NXPE3: variants seen among roughly 807,000 people sequenced by gnomAD.
NXPE3 encodes the protein neurexophilin and PC-esterase domain family member 3, also known as NXPE family member 3.
NXPE3 carries 26 observed loss-of-function variants against 46.1 expected under a neutral mutation model. The observed-to-expected ratio is 0.56, with a 90% CI of 0.41 to 0.78. The LOEUF (loss-of-function observed/expected upper bound fraction) is 0.78, where lower values mean the gene tolerates loss of function less well. Among genes scored for constraint, NXPE3 ranks in the 30% least tolerant of loss-of-function variants. NXPE3 has a pLI of 0.00. For missense variants in NXPE3, 620 were observed against 686.0 expected (o/e 0.90, Z 1.07); for synonymous variants, 272 against 257.9 (o/e 1.05, Z -0.52).
At chr3:101,817,423 TG>T (rs1942020716) in intron 7 of NXPE3, among the ~76,000 whole-genome samples, 1 of 152,180 alleles carries the variant, frequency 6.6e-6, no homozygotes, top group Admixed American at 6.5e-5. Context: ...ATAGTAGCTT[TG>T]AGTAGAAGGA....
intron 4 of NXPE3, among the ~76,000 whole-genome samples, chr3:101,794,746 A>G (rs943944247): frequency 2.0e-5 from 3 of 152,222 alleles, no homozygotes; most frequent in African/African-American, 7.2e-5. Context: ...TTGAGAGGGT[A>G]GGCTGCAGTC....
intron 6 of NXPE3, among the ~76,000 whole-genome samples, chr3:101,808,161 G>A (rs1215221713): frequency 3.3e-5 from 5 of 152,174 alleles, no homozygotes; most frequent in Admixed American, 3.3e-4. Flanking sequence ...CTTTTCGGGT[G>A]ACTCTGATTT....
intron 3 of NXPE3, among the ~76,000 whole-genome samples, chr3:101,783,686 C>G (rs1305812146): frequency 6.6e-6 from 1 of 152,210 alleles, no homozygotes; most frequent in Non-Finnish European, 1.5e-5. Context: ...CAATGCATGA[C>G]CACACCTGCC....
At chr3:101,789,700 G>GT (rs1010563672) in intron 4 of NXPE3, among the ~76,000 whole-genome samples, 23 of 151,164 alleles carry the variant, frequency 1.5e-4, no homozygotes, top group African/African-American at 4.1e-4. Flanking sequence ...TGTTATTTAG[G>GT]TTTTTTTTGG....
At chr3:101,806,889 A>G (rs767569646) in intron 5 of NXPE3, among the ~76,000 whole-genome samples, 164 bp from the exon 6 acceptor site, 2 of 152,204 alleles carry the variant, frequency 1.3e-5, no homozygotes, top group South Asian at 2.1e-4. Flanking sequence ...CCTGCTTACT[A>G]CAAGAGACCC....
chr3:101,785,512 G>T lies in NXPE3; in HGVS notation c.-85G>T. ...AGCAAATGAAACTGAAAGCTCATCT[G>T]CAGCTCAGAAAAGCAAAGACATGGA... On this transcript the variant is annotated 5_prime_UTR_variant, in exon 4 of 8. Coordinates refer to ENST00000273347, the MANE Select transcript of NXPE3 (RefSeq NM_145037.4). 8.4e-7 allele frequency: 1 copy of T among 1,185,854 alleles called. No homozygotes were observed. Among genetic ancestry groups the T allele is most frequent in the Non-Finnish European group, 1.3e-6 (1 of 791,454 alleles). The allele number at this position is 1,185,854 out of a possible 1,614,324, so 73.5% of individuals were successfully genotyped here. A position where few individuals can be genotyped will look rare whatever the true frequency, so the allele number is the denominator to read the frequency against.
chr3:101,796,611 C>A (rs1940843255), intron 4 of NXPE3, among the ~76,000 whole-genome samples: 1 of 152,110 alleles, frequency 6.6e-6, no homozygotes, highest in African/African-American at 2.4e-5. Context: ...TGGAACATTT[C>A]CTGAAAGGTA....
At chr3:101,793,758 C>T (rs2107270666) in intron 4 of NXPE3, among the ~76,000 whole-genome samples, 2 of 151,536 alleles carry the variant, frequency 1.3e-5, no homozygotes, top group African/African-American at 4.8e-5. Flanking sequence ...GTAGTTCTCT[C>T]CCCAGCCTCC....
intron 4 of NXPE3, among the ~76,000 whole-genome samples, chr3:101,788,186 T>C (rs1369699038): frequency 6.6e-6 from 1 of 152,258 alleles, no homozygotes; most frequent in Non-Finnish European, 1.5e-5. Flanking sequence ...TTTGGATAAA[T>C]ATCCAATTCC....
At chr3:101,805,024 A>G (rs572288900) in intron 5 of NXPE3, among the ~76,000 whole-genome samples, 1 of 152,258 alleles carries the variant, frequency 6.6e-6, no homozygotes, top group Admixed American at 6.5e-5. Flanking sequence ...TAGATTCACT[A>G]TTATTGTTTT....
intron 5 of NXPE3, among the ~76,000 whole-genome samples, chr3:101,804,002 C>A (rs1180367895): frequency 1.3e-5 from 2 of 152,168 alleles, no homozygotes; most frequent in African/African-American, 4.8e-5. Flanking sequence ...TATTTTGATA[C>A]AAGCATATAA....
rs1259703314 is a variant in NXPE3, at chr3:101,826,711, C to T, written c.*4757C>T. On this transcript the variant is annotated 3_prime_UTR_variant, in exon 8 of 8. Transcript: ENST00000273347. ...CCACCACCTTCTGTCTAACTTGTCT[C>T]TTAAAAGTGCTTTTACATTTTAACT... 1 of 152,152 alleles carries T rather than the reference C, an allele frequency of 6.6e-6. No homozygotes were observed. 9.4% of individuals were successfully genotyped at this position (152,152 alleles called of 1,614,324 possible).
At position 101,801,898 on chromosome 3, in the gene NXPE3, A is replaced by C. The variant is rs772461123; in HGVS notation, c.757A>C (p.Lys253Gln). 2.2e-5 allele frequency: 35 copies of C among 1,614,024 alleles called. No homozygotes were observed. The highest frequency in any genetic ancestry group is 2.9e-5 in the Non-Finnish European group (34 of 1,180,034). The change falls in exon 5 of 8, where the codon AAG becomes CAG. Residue 253 changes from lysine (K) to glutamine (Q), a missense_variant. Physicochemically the swap from Lys to Gln is moderately conservative, Grantham distance 53. Coordinates refer to ENST00000273347, the MANE Select transcript of NXPE3 (RefSeq NM_145037.4). ...GGAGCCCTGGTTCTGCTTCAAACCA[A>C]AGAAGCTCCCTTGCAGCAGCAGAAT... ...TGEPWFCFKP[K>Q]KLPCSSRITH...
intron 6 of NXPE3, among the ~76,000 whole-genome samples, chr3:101,816,038 C>T (rs778348911): frequency 1.5e-4 from 23 of 151,410 alleles, no homozygotes; most frequent in Non-Finnish European, 1.3e-4. Context: ...GTAATGCGTG[C>T]CTGTAATCCC....
intron 5 of NXPE3, among the ~76,000 whole-genome samples, chr3:101,805,233 T>G (rs1941356697): frequency 6.6e-6 from 1 of 152,204 alleles, no homozygotes; most frequent in Non-Finnish European, 1.5e-5. Context: ...TACTGTTATT[T>G]AATATGCAGT....
In NXPE3 at chr3:101,825,017, T is replaced by A. The variant is rs1042708079; in HGVS notation, c.*3063T>A. ...AAAAAAATTTTTTTTTTAACAACTT[T>A]TAAGTTCAGGGGTACATGTGCCAGT... On this transcript the variant is annotated 3_prime_UTR_variant, in exon 8 of 8. Transcript: ENST00000273347. 1.3e-5 allele frequency: 2 copies of A among 152,196 alleles called. No homozygotes were observed. The highest frequency in any genetic ancestry group is 4.8e-5 in the African/African-American group (2 of 41,450). 9.4% of individuals were successfully genotyped at this position (152,196 alleles called of 1,614,324 possible).
In NXPE3 at chr3:101,816,917, G is replaced by C; in HGVS notation, c.1045G>C (p.Glu349Gln). The C allele has an allele frequency of 6.2e-7, 1 of 1,614,146 alleles. No individual in the cohort carries two copies. The highest frequency in any genetic ancestry group is 8.5e-7 in the Non-Finnish European group (1 of 1,180,000). Reference protein sequence around the residue: ...RQFNDPDNITECLQRKVVHLF... With the variant: ...RQFNDPDNITQCLQRKVVHLF... ...GTTTAATGACCCTGACAACATTACA[G>C]AGTGCTTACAAAGAAAAGTGGTGCA... Residue 349 changes from glutamate (E) to glutamine (Q), a missense_variant, in exon 7 of 8, where the codon GAG becomes CAG. Physicochemically the swap from Glu to Gln is conservative, Grantham distance 29. Coordinates refer to ENST00000273347, the MANE Select transcript of NXPE3 (RefSeq NM_145037.4).
rs1941181552 is a variant in NXPE3, at chr3:101,801,929, A to G, written c.788A>G (p.His263Arg). 6.2e-7 allele frequency: 1 copy of G among 1,613,976 alleles called. No homozygotes were observed. The highest frequency in any genetic ancestry group is 1.1e-5 in the South Asian group (1 of 91,086). ...CTCCCTTGCAGCAGCAGAATTACCC[A>G]TTTCAAAGGTGGATACCTGAAAGGT... The part of the protein sequence containing the change: ...KKLPCSSRIT[H>R]FKGGYLKGLL... Residue 263 changes from histidine to arginine, a missense_variant, in exon 5 of 8, where the codon CAT becomes CGT. His to Arg is a conservative substitution (Grantham distance 29). Around this residue, in one of 3 missense-constraint regions of NXPE3, gnomAD observed 511 missense variants for 528.6 expected, o/e 0.97. Coordinates refer to ENST00000273347, the MANE Select transcript of NXPE3 (RefSeq NM_145037.4).
At position 101,784,629 on chromosome 3, in the gene NXPE3, T is replaced by A. The variant is rs540001643; in HGVS notation, c.-195-773T>A. On this transcript the variant is annotated intron_variant, in intron 3 of 7. Transcript: ENST00000273347. The stretch of plus-strand genomic sequence containing the variant: ...GGATAGAATACTAGGACATTTTCTG[T>A]TTACCTGTATCAAAATGGCAAGTGG... 8.5e-5 allele frequency among the ~76,000 whole-genome samples: 13 copies of A among 152,326 alleles called. 1 individual carries two copies. Among genetic ancestry groups the A allele is most frequent in the Middle Eastern group, 3.4e-3 (1 of 294 alleles).
Sources: gnomAD v4.1 joint callset for allele counts (sites outside exome capture counted in the v4.1 genomes callset) on GRCh38, gnomAD v4.1.1 for gene constraint, gnomAD v4.1.1 regional missense constraint, MANE v1.5 for transcripts, NCBI Gene and HGNC (gene_info 2026-07-23, HGNC 2026-07-21) for gene names.